RFX4: variants seen among roughly 807,000 people sequenced by gnomAD.
RFX4 encodes regulatory factor X4, also known as transcription factor RFX4.
Under a neutral mutation model 95.0 loss-of-function variants are expected in RFX4, and 10 were observed. That is an observed-to-expected ratio of 0.11 (90% CI 0.06 to 0.18). RFX4 has a LOEUF of 0.18. RFX4 is among the 10% of genes least tolerant of loss of function. RFX4 has a pLI of 1.00. For missense variants in RFX4, 640 were observed against 922.0 expected (o/e 0.69, Z 3.96); for synonymous variants, 321 against 340.7 (o/e 0.94, Z 0.64).
chr12:106,714,025 G>A (rs551137316), intron 10 of RFX4, among the ~76,000 whole-genome samples: 25 of 126,052 alleles, frequency 2.0e-4, no homozygotes, highest in Admixed American at 4.1e-4. Context: ...AGCCAAGATC[G>A]CCACTGCATT....
chr12:106,682,004 G>A lies in RFX4; in HGVS notation c.327G>A (p.Gln109=), dbSNP rs1032596098. The A allele has an allele frequency of 3.7e-6, 6 of 1,614,096 alleles. No individual in the cohort carries two copies. Among genetic ancestry groups the A allele is most frequent in the African/African-American group, 1.3e-5 (1 of 74,938 alleles). ...NAASFGKIIR[Q]QFPQLTTRRL... ...GTGTTGACTTACAGATCATAAGGCA[G>A]CAGTTTCCTCAGTTAACCACCAGAA... The change falls in exon 5 of 18, where the codon CAG becomes CAA. Residue 109 remains glutamine (Q), a synonymous_variant. Transcript: ENST00000392842.
chr12:106,737,084 C>T (rs903415619), intron 15 of RFX4, among the ~76,000 whole-genome samples: 1 of 150,784 alleles, frequency 6.6e-6, no homozygotes, highest in Non-Finnish European at 1.5e-5. Context: ...TAGAATCTTC[C>T]TCCAGACCCT....
Position 106,720,094 on chromosome 12 carries a change from C to A in RFX4, c.1233+40C>A, listed in dbSNP as rs759289661. The A allele has an allele frequency of 4.1e-5, 61 of 1,497,508 alleles. No homozygotes were observed. The Middle Eastern group carries it at 9.6e-4, about 24-fold the overall frequency. The allele number at this position is 1,497,508 out of a possible 1,614,324, so 92.8% of individuals were successfully genotyped here. ...ACCTAGCGGGCAGCCTTGGGCCCTG[C>A]AGCCCACCACTGCCCTCTGTGAACT... On this transcript the variant is annotated intron_variant, in intron 12 of 17. Coordinates refer to ENST00000392842, the MANE Select transcript of RFX4 (RefSeq NM_213594.3). This position sits in a 1 kb window ranked among gnomAD's most constrained non-coding sequence, Gnocchi z 4.2.
At chr12:106,702,923 C>T (rs749515092) in intron 8 of RFX4, among the ~76,000 whole-genome samples, 10 of 152,210 alleles carry the variant, frequency 6.6e-5, no homozygotes, top group Non-Finnish European at 1.3e-4. Flanking sequence ...TTCTGTCCTC[C>T]TGTCCTGTCC....
chr12:106,700,294 C>A (rs767928974), intron 8 of RFX4, among the ~76,000 whole-genome samples: 2 of 151,858 alleles, frequency 1.3e-5, no homozygotes, highest in East Asian at 1.9e-4. Flanking sequence ...AGTCTCCCAA[C>A]GCGTTGGGAT....
intron 1 of RFX4, among the ~76,000 whole-genome samples, chr12:106,596,102 A>T (rs2039614133): frequency 6.6e-6 from 1 of 152,194 alleles, no homozygotes; most frequent in South Asian, 2.1e-4. Flanking sequence ...CAAAGACCAC[A>T]TAGGATGATA....
intron 3 of RFX4, among the ~76,000 whole-genome samples, chr12:106,650,400 G>A (rs1451784769): frequency 6.6e-6 from 1 of 152,178 alleles, no homozygotes; most frequent in African/African-American, 2.4e-5. Context: ...TACAAGTGTT[G>A]AAGTCAAATC....
intron 13 of RFX4, among the ~76,000 whole-genome samples, chr12:106,721,539 T>C (rs1377356823): frequency 6.6e-6 from 1 of 152,234 alleles, no homozygotes; most frequent in Admixed American, 6.5e-5. Context: ...AATGTTATGA[T>C]ACATTGTAGG....
At chr12:106,730,783 C>T (rs1246374242) in intron 13 of RFX4, among the ~76,000 whole-genome samples, 1 of 152,114 alleles carries the variant, frequency 6.6e-6, no homozygotes, top group Admixed American at 6.5e-5. Flanking sequence ...GGTGGATCAC[C>T]TGAGGTCAGG....
intron 1 of RFX4, among the ~76,000 whole-genome samples, chr12:106,585,319 C>T (rs2039439375): frequency 6.6e-6 from 1 of 152,190 alleles, no homozygotes; most frequent in Admixed American, 6.5e-5. Flanking sequence ...ACCGGGTCCT[C>T]TTCACCTCAA....
intron 15 of RFX4, among the ~76,000 whole-genome samples, chr12:106,734,338 G>C (rs1451291202): frequency 6.6e-6 from 1 of 152,178 alleles, no homozygotes; most frequent in African/African-American, 2.4e-5. Context: ...GCTCATGCCT[G>C]TAATCCCAGC....
At chr12:106,721,018 T>C (rs2042386824) in intron 13 of RFX4, 142 bp downstream of exon 13, 16 of 714,544 alleles carry the variant, frequency 2.2e-5, no homozygotes, top group Non-Finnish European at 3.9e-5. Context: ...CATGACATTG[T>C]TAGGACTTTC....
intron 13 of RFX4, among the ~76,000 whole-genome samples, chr12:106,731,135 A>G (rs1207571723): frequency 6.6e-6 from 1 of 152,218 alleles, no homozygotes; most frequent in Non-Finnish European, 1.5e-5. Context: ...GAGATGTCCT[A>G]TTGGGACCTG....
At chr12:106,635,211 C>T (rs4964476) in intron 2 of RFX4, among the ~76,000 whole-genome samples, 38,369 of 152,034 alleles carry the variant, frequency 0.25, 5,014 homozygotes, top group African/African-American at 0.3. Context: ...TGTAAAACCC[C>T]GCCAGTTTTA....
At chr12:106,760,794 T>G (rs1371640728) in intron 17 of RFX4, among the ~76,000 whole-genome samples, 4 of 152,184 alleles carry the variant, frequency 2.6e-5, no homozygotes, top group Non-Finnish European at 5.9e-5. Flanking sequence ...TAACTAATGA[T>G]AAAACTCACT....
intron 1 of RFX4, among the ~76,000 whole-genome samples, chr12:106,588,852 T>G (rs1429047269): frequency 6.6e-6 from 1 of 152,064 alleles, no homozygotes; most frequent in African/African-American, 2.4e-5. Flanking sequence ...AAACATAGGG[T>G]TTTTCTTTCA....
intron 1 of RFX4, 77 bp from the exon 2 acceptor site, chr12:106,608,720 C>T: frequency 7.5e-7 from 1 of 1,340,172 alleles, no homozygotes; most frequent in East Asian, 2.5e-5. Flanking sequence ...TCTGTCTCTT[C>T]ACAAACACCC....
At chr12:106,668,090 A>T (rs920533827) in intron 4 of RFX4, among the ~76,000 whole-genome samples, 1 of 152,192 alleles carries the variant, frequency 6.6e-6, no homozygotes, top group African/African-American at 2.4e-5. Flanking sequence ...TTCTCACATA[A>T]ACTAAGTCTA....
rs1325082273 is a variant in RFX4, at chr12:106,611,742, AC to A, written c.130+2861del. Among the ~76,000 whole-genome samples, 3 of 150,626 alleles carry A rather than the reference AC, an allele frequency of 2.0e-5. No homozygotes were observed. In the East Asian group the frequency reaches 5.8e-4, roughly 29 times the overall value. The stretch of plus-strand genomic sequence containing the variant: ...TGGTCAGGTTGGTCTCAAACTCCTG[AC>A]CTCGTGATCTGCCCCCCTCAGCCTC... On this transcript the variant is annotated intron_variant, in intron 2 of 17. Coordinates refer to ENST00000392842, the MANE Select transcript of RFX4 (RefSeq NM_213594.3).
Sources: gnomAD v4.1 joint callset for allele counts (sites outside exome capture counted in the v4.1 genomes callset) on GRCh38, gnomAD v4.1.1 for gene constraint, Gnocchi (gnomAD v3.1) non-coding constraint, MANE v1.5 for transcripts, NCBI Gene and HGNC (gene_info 2026-07-23, HGNC 2026-07-21) for gene names.